CD2AP: variants seen among roughly 807,000 people sequenced by gnomAD.
CD2AP encodes the protein CD2-associated protein.
CD2AP carries 46 observed loss-of-function variants against 85.1 expected under a neutral mutation model. That is an observed-to-expected ratio of 0.54 (90% CI 0.43 to 0.69). The LOEUF (loss-of-function observed/expected upper bound fraction) is 0.69, where lower values mean the gene tolerates loss of function less well. CD2AP is among the 30% of genes least tolerant of loss of function. CD2AP has a pLI of 0.00. For missense variants in CD2AP, 769 were observed against 729.5 expected (o/e 1.05, Z -0.62); for synonymous variants, 255 against 252.9 (o/e 1.01, Z -0.08).
At chr6:47,575,543 A>G (rs1213623999) in intron 6 of CD2AP, among the ~76,000 whole-genome samples, 1 of 152,190 alleles carries the variant, frequency 6.6e-6, no homozygotes, top group Non-Finnish European at 1.5e-5. Flanking sequence ...TTGTAGGTGC[A>G]CCACAATATG....
chr6:47,482,194 A>C (rs1472441847), intron 1 of CD2AP, among the ~76,000 whole-genome samples: 1 of 152,230 alleles, frequency 6.6e-6, no homozygotes, highest in Non-Finnish European at 1.5e-5. Context: ...TTTTTGTTTC[A>C]AAGTTGAATC....
At chr6:47,497,624 G>A (rs1439836898) in intron 1 of CD2AP, among the ~76,000 whole-genome samples, 2 of 152,064 alleles carry the variant, frequency 1.3e-5, no homozygotes, top group Non-Finnish European at 2.9e-5. Flanking sequence ...ATGTTGCCCA[G>A]GCTGGTCTTG....
chr6:47,576,582 A>G lies in CD2AP; in HGVS notation c.788A>G (p.Asp263Gly). Residue 263 changes from aspartate to glycine, a missense_variant, in exon 7 of 18, where the codon GAT becomes GGT. Transcript: ENST00000359314. ...KTQSVEITKT[D>G]TEGKIKAKEY... ...CAGAGTGTGGAGATAACAAAAACAG[A>G]TACCGAAGGTAAAATTAAAGGTATG... 6.2e-7 allele frequency: 1 copy of G among 1,611,188 alleles called. No individual in the cohort carries two copies. The highest frequency in any genetic ancestry group is 8.5e-7 in the Non-Finnish European group (1 of 1,177,670).
intron 4 of CD2AP, among the ~76,000 whole-genome samples, chr6:47,554,200 C>T (rs769787808): frequency 3.3e-5 from 5 of 152,044 alleles, no homozygotes; most frequent in South Asian, 2.1e-4. Flanking sequence ...CCTGAGCCAC[C>T]GTGCCTGGCC....
intron 5 of CD2AP, among the ~76,000 whole-genome samples, chr6:47,561,472 CTTTT>C (rs200178991): frequency 1.4e-5 from 2 of 145,110 alleles, no homozygotes; most frequent in African/African-American, 5.0e-5. Context: ...TCAAGGCAAA[CTTTT>C]TTTTTTTTTA....
chr6:47,572,724 A>G (rs192463808), intron 5 of CD2AP, among the ~76,000 whole-genome samples: 9 of 152,304 alleles, frequency 5.9e-5, no homozygotes, highest in African/African-American at 1.9e-4. Flanking sequence ...GGTCCCTGGG[A>G]AAGTCATTAA....
intron 13 of CD2AP, among the ~76,000 whole-genome samples, chr6:47,599,841 C>G (rs1437217574): frequency 1.3e-5 from 2 of 151,970 alleles, no homozygotes; most frequent in Non-Finnish European, 2.9e-5. Context: ...CTTTAAATTT[C>G]TCCTCTTAAT....
chr6:47,504,079 A>G (rs1254903515), intron 2 of CD2AP, among the ~76,000 whole-genome samples: 1 of 152,264 alleles, frequency 6.6e-6, no homozygotes. Flanking sequence ...CGCTTCTGCC[A>G]GAAAACAATC....
intron 1 of CD2AP, chr6:47,489,164 G>GTTTTTTTTTTT (rs201094245): frequency 8.0e-6 from 1 of 125,736 alleles, no homozygotes; most frequent in African/African-American, 3.0e-5. Context: ...CACTCAACTA[G>GTTTTTTTTTTT]TTTTTTTTTT....
intron 11 of CD2AP, among the ~76,000 whole-genome samples, chr6:47,582,684 C>T (rs1768510858): frequency 6.6e-6 from 1 of 151,994 alleles, no homozygotes; most frequent in Non-Finnish European, 1.5e-5. Flanking sequence ...ATCCTTGTTT[C>T]TTGCCTAAAG....
At chr6:47,532,417 ACAC>A (rs1766912393) in intron 2 of CD2AP, among the ~76,000 whole-genome samples, 3 of 141,416 alleles carry the variant, frequency 2.1e-5, no homozygotes, top group South Asian at 4.5e-4. Context: ...ACACACACAC[ACAC>A]AATACTTGCC....
chr6:47,502,921 A>G (rs1186860762), intron 1 of CD2AP, among the ~76,000 whole-genome samples: 1 of 152,190 alleles, frequency 6.6e-6, no homozygotes, highest in African/African-American at 2.4e-5. Flanking sequence ...TTGGCAGTCA[A>G]AGAGAGAGAA....
At position 47,579,790 on chromosome 6, in the gene CD2AP, G is replaced by A. The variant is rs181300851; in HGVS notation, c.1008+301G>A. The A allele has an allele frequency of 2.7e-5, 7 of 259,414 alleles. No homozygotes were observed. In the East Asian group the frequency reaches 6.4e-4, roughly 24 times the overall value. The allele number at this position is 259,414 out of a possible 1,614,324, so 16.1% of individuals were successfully genotyped here. A position where few individuals can be genotyped will look rare whatever the true frequency, so the allele number is the denominator to read the frequency against. ...AATTAGTACTTTCCTGGAAGAAATT[G>A]TATTTTTATTTAATGTTGTTGAAAA... On this transcript the variant is annotated intron_variant, in intron 9 of 17. Coordinates refer to ENST00000359314, the MANE Select transcript of CD2AP (RefSeq NM_012120.3).
At chr6:47,542,499 T>C (rs1582537038) in intron 3 of CD2AP, among the ~76,000 whole-genome samples, 1 of 152,262 alleles carries the variant, frequency 6.6e-6, no homozygotes, top group African/African-American at 2.4e-5. Context: ...AATGAATAAG[T>C]CATGAGGGCT....
intron 8 of CD2AP, among the ~76,000 whole-genome samples, 184 bp from the exon 9 acceptor site, chr6:47,579,201 A>G (rs1768396821): frequency 6.6e-6 from 1 of 151,836 alleles, no homozygotes; most frequent in Non-Finnish European, 1.5e-5. Context: ...GAAGTTTATG[A>G]TTGCATTCCT....
intron 5 of CD2AP, among the ~76,000 whole-genome samples, chr6:47,565,808 C>A (rs917075208): frequency 2.0e-5 from 3 of 152,134 alleles, no homozygotes; most frequent in Non-Finnish European, 4.4e-5. Context: ...ATTACCATAG[C>A]CTATATGCCA....
chr6:47,578,816 C>T (rs2114103291), intron 8 of CD2AP, among the ~76,000 whole-genome samples: 1 of 151,976 alleles, frequency 6.6e-6, no homozygotes, highest in African/African-American at 2.4e-5. Context: ...GTCACGATGC[C>T]TGGCTAATGT....
intron 3 of CD2AP, among the ~76,000 whole-genome samples, chr6:47,538,293 G>A (rs1582531484): frequency 6.6e-6 from 1 of 152,208 alleles, no homozygotes; most frequent in Admixed American, 6.5e-5. Flanking sequence ...CCAGGACGGA[G>A]TACAGTGCCA....
chr6:47,576,926 C>A, intron 7 of CD2AP, 83 bp from the exon 8 acceptor site: 1 of 827,136 alleles, frequency 1.2e-6, no homozygotes, highest in Non-Finnish European at 2.1e-6. Flanking sequence ...TTTTAGTATA[C>A]TTTACACAAG....
Sources: gnomAD v4.1 joint callset for allele counts (sites outside exome capture counted in the v4.1 genomes callset) on GRCh38, gnomAD v4.1.1 for gene constraint, MANE v1.5 for transcripts, NCBI Gene and HGNC (gene_info 2026-07-23, HGNC 2026-07-21) for gene names.